Variants in SMG6 observed in about 807,000 individuals in gnomAD.
SMG6 encodes telomerase-binding protein EST1A.
SMG6 carries 66 observed loss-of-function variants against 142.2 expected under a neutral mutation model. The observed-to-expected ratio is 0.46, with a 90% CI of 0.38 to 0.57. The LOEUF is 0.57. SMG6 is among the 20% of genes least tolerant of loss of function. SMG6 has a pLI of 0.00. For missense variants in SMG6, 1,793 were observed against 1,832.0 expected, an observed-to-expected ratio of 0.98 and a Z score of 0.39; for synonymous variants, 779 against 702.4, an observed-to-expected ratio of 1.11 and a Z score of -1.72.
chr17:2,235,961 G>A (rs1378368752), intron 10 of SMG6: 1 of 152,166 alleles, frequency 6.6e-6, no homozygotes, highest in Non-Finnish European at 1.5e-5. Flanking sequence ...TTCTGGGACT[G>A]GTGGTTTTTG....
intron 17 of SMG6, 43 bp downstream of exon 17, chr17:2,065,425 G>A (rs376754414): frequency 3.7e-5 from 58 of 1,579,420 alleles, no homozygotes; most frequent in Non-Finnish European, 4.8e-5. Flanking sequence ...ACCTTGTTCT[G>A]GAAGCTGGCT....
chr17:2,131,041 A>C (rs1479237620), intron 13 of SMG6, among the ~76,000 whole-genome samples: 2 of 152,192 alleles, frequency 1.3e-5, no homozygotes, highest in African/African-American at 4.8e-5. Flanking sequence ...GCACAGAGAT[A>C]AAAGTAACCC....
Position 2,068,985 on chromosome 17 carries a change from T to G in SMG6, c.3682-54A>C, listed in dbSNP as rs2068024986. The G allele has an allele frequency of 3.8e-6, 6 of 1,588,134 alleles. No individual in the cohort carries two copies. The highest frequency in any genetic ancestry group is 4.3e-6 in the Non-Finnish European group (5 of 1,161,640). ...GACAGCGAGCAGGCAAGCAGGTGGG[T>G]GAGCCAGGGCCCTGACACTACGGTG... On this transcript the variant is annotated intron_variant, in intron 15 of 18. Coordinates refer to ENST00000263073, the MANE Select transcript of SMG6 (RefSeq NM_017575.5). This position sits in a 1 kb window ranked among gnomAD's most constrained non-coding sequence, Gnocchi z 6.7.
At chr17:2,175,337 TGG>T (rs1441418912) in intron 12 of SMG6, among the ~76,000 whole-genome samples, 1 of 152,018 alleles carries the variant, frequency 6.6e-6, no homozygotes, top group Non-Finnish European at 1.5e-5. Flanking sequence ...AGTTGGGGGT[TGG>T]GGGTGGTGTG....
At chr17:2,092,731 AT>A in intron 13 of SMG6, among the ~76,000 whole-genome samples, 1 of 152,390 alleles carries the variant, frequency 6.6e-6, no homozygotes, top group East Asian at 1.9e-4. Context: ...AAACAGGGCC[AT>A]TCTGGCAAGA....
chr17:2,282,674 A>G lies in SMG6; in HGVS notation c.2634T>C (p.Asn878=). ...TESGKDSEQE[N]GLGSLSPSDL... ...CACTGGGACTCAGGCTGCCCAGCCC[A>G]TTCTCTTGCTCAGAATCCTTCCCAG... is the stretch of plus-strand genomic sequence containing the variant. Residue 878 remains asparagine (N), a synonymous_variant, in exon 8 of 19, where the codon AAT becomes AAC. Transcript: ENST00000263073. The G allele has an allele frequency of 6.2e-7, 1 of 1,614,094 alleles. No homozygotes were observed.
chr17:2,100,624 G>A (rs943449037), intron 13 of SMG6, among the ~76,000 whole-genome samples: 5 of 152,176 alleles, frequency 3.3e-5, no homozygotes, highest in African/African-American at 9.7e-5. Flanking sequence ...CACCTAGGCT[G>A]GAGTGCTGTG....
rs116985744 is a variant in SMG6 at position 2,287,970 on chromosome 17, G to A, written c.2338-4235C>T. Among the ~76,000 whole-genome samples the A allele has an allele frequency of 4.0e-3, 607 of 152,266 alleles. 5 individuals carry two copies. Among genetic ancestry groups the A allele is most frequent in the Non-Finnish European group, 5.7e-3 (390 of 68,026 alleles). ...AAAATGAAAAGCATTCTGGAGGTTCGTTACACTACAATATGAATGTACGTA... is the reference window on the plus strand; with the variant it reads ...AAAATGAAAAGCATTCTGGAGGTTCATTACACTACAATATGAATGTACGTA... On this transcript the variant is annotated intron_variant, in intron 6 of 18. Coordinates refer to ENST00000263073, the MANE Select transcript of SMG6 (RefSeq NM_017575.5).
At chr17:2,261,710 C>T (rs1490502416) in intron 8 of SMG6, among the ~76,000 whole-genome samples, 1 of 152,008 alleles carries the variant, frequency 6.6e-6, no homozygotes, top group Non-Finnish European at 1.5e-5. Context: ...GATGTAAAGA[C>T]AAGGAAAGAG....
At chr17:2,133,763 G>C (rs1449404612) in intron 13 of SMG6, among the ~76,000 whole-genome samples, 1 of 152,166 alleles carries the variant, frequency 6.6e-6, no homozygotes, top group Non-Finnish European at 1.5e-5. Flanking sequence ...CTGCAGGTAG[G>C]ATAGCCATGT....
At chr17:2,226,579 A>AAAAC (rs1165121532) in intron 10 of SMG6, among the ~76,000 whole-genome samples, 20 of 150,614 alleles carry the variant, frequency 1.3e-4, no homozygotes, top group East Asian at 9.8e-4. Flanking sequence ...ACTCTGTCTT[A>AAAAC]AAACAAACAA....
chr17:2,191,299 T>TA (rs2072154561), intron 10 of SMG6, among the ~76,000 whole-genome samples: 1 of 152,146 alleles, frequency 6.6e-6, no homozygotes, highest in Non-Finnish European at 1.5e-5. Flanking sequence ...CATTCACCGT[T>TA]ACACAAGTGG....
intron 13 of SMG6, among the ~76,000 whole-genome samples, chr17:2,155,337 T>C (rs1396307772): frequency 3.3e-5 from 5 of 152,154 alleles, no homozygotes; most frequent in Admixed American, 1.3e-4. Context: ...GCTGGGATTA[T>C]AGGCGTGAGC....
In SMG6 at chr17:2,236,487, C is replaced by T. The variant is rs1389331484; in HGVS notation, c.2869+5G>A. ...TTCTAGATGAAGAAACTAAACATGC[C>T]TTACCTTTCAGCTGGGAGTTGTGTA... On this transcript the variant is annotated splice_donor_5th_base_variant and intron_variant, in intron 10 of 18. Transcript: ENST00000263073. The T allele has an allele frequency of 1.2e-6, 2 of 1,610,724 alleles. No individual in the cohort carries two copies. Among genetic ancestry groups the T allele is most frequent in the East Asian group, 2.2e-5 (1 of 44,808 alleles).
At chr17:2,217,094 G>A (rs138628493) in intron 10 of SMG6, among the ~76,000 whole-genome samples, 2 of 152,150 alleles carry the variant, frequency 1.3e-5, no homozygotes, top group Non-Finnish European at 2.9e-5. Context: ...CCATCCACAA[G>A]GTACTGGACG....
intron 15 of SMG6, among the ~76,000 whole-genome samples, chr17:2,080,032 G>A (rs2068369934): frequency 2.6e-5 from 4 of 151,846 alleles, no homozygotes; most frequent in Non-Finnish European, 5.9e-5. Flanking sequence ...CTGAGATTGC[G>A]CCACTACACT....
At chr17:2,088,583 T>C (rs1268939932) in intron 13 of SMG6, 1 of 985,350 alleles carries the variant, frequency 1.0e-6, no homozygotes, top group Non-Finnish European at 1.2e-6. Context: ...TTAACAGGCC[T>C]GGAAAGGATT....
intron 10 of SMG6, among the ~76,000 whole-genome samples, chr17:2,224,199 G>C (rs1198907696): frequency 6.6e-6 from 1 of 152,164 alleles, no homozygotes; most frequent in Admixed American, 6.6e-5. Context: ...AAGAACATTT[G>C]CTACCTGATG....
chr17:2,084,132 C>A (rs866798971), intron 14 of SMG6, among the ~76,000 whole-genome samples: 2 of 152,252 alleles, frequency 1.3e-5, no homozygotes, highest in African/African-American at 4.8e-5. Flanking sequence ...GGATTTGGGA[C>A]TGCAGGCTCC....
Sources: gnomAD v4.1 joint callset for allele counts (sites outside exome capture counted in the v4.1 genomes callset) on GRCh38, gnomAD v4.1.1 for gene constraint, Gnocchi (gnomAD v3.1) non-coding constraint, MANE v1.5 for transcripts, NCBI Gene and HGNC (gene_info 2026-07-23, HGNC 2026-07-21) for gene names.